Variants in BACE2 observed in about 807,000 individuals in gnomAD.
BACE2 encodes the protein beta-secretase 2.
In BACE2, 17 loss-of-function variants were observed where a neutral mutation model predicts 46.2. That is an observed-to-expected ratio of 0.37 (90% CI 0.25 to 0.55). The LOEUF is 0.55. Among genes scored for constraint, BACE2 ranks in the 20% least tolerant of loss-of-function variants. The pLI is 0.82. For synonymous variants in BACE2, 277 were observed against 295.9 expected, an observed-to-expected ratio of 0.94 and a Z score of 0.66; for missense variants, 595 against 698.1, an observed-to-expected ratio of 0.85 and a Z score of 1.66.
Position 41,189,960 on chromosome 21 carries a change from G to A in BACE2, c.312+21385G>A, listed in dbSNP as rs575096279. Among the ~76,000 whole-genome samples, 8 of 152,254 alleles carry A rather than the reference G, an allele frequency of 5.3e-5. No individual in the cohort carries two copies. In the East Asian group the frequency reaches 7.7e-4, roughly 15 times the overall value. On this transcript the variant is annotated intron_variant, in intron 1 of 8. Coordinates refer to ENST00000330333, the MANE Select transcript of BACE2 (RefSeq NM_012105.5). Reference sequence around the variant, plus strand: ...TTCAAGGGCAGGAAGCGTCCAGTACGGGAGAAAGATGTAGGCTGGGAAGCT... The same window carrying A: ...TTCAAGGGCAGGAAGCGTCCAGTACAGGAGAAAGATGTAGGCTGGGAAGCT...
intron 1 of BACE2, among the ~76,000 whole-genome samples, chr21:41,174,504 T>C (rs1303639654): frequency 6.6e-6 from 1 of 151,946 alleles, no homozygotes; most frequent in Non-Finnish European, 1.5e-5. Context: ...GAGGGAGGAA[T>C]TTAAAGGTGG....
At chr21:41,218,009 A>G (rs1183229097) in intron 1 of BACE2, among the ~76,000 whole-genome samples, 1 of 152,234 alleles carries the variant, frequency 6.6e-6, no homozygotes, top group Admixed American at 6.5e-5. Context: ...CTGCCAGAAA[A>G]TAAATGTATA....
chr21:41,211,926 C>A (rs188097605), intron 1 of BACE2, among the ~76,000 whole-genome samples: 1 of 152,350 alleles, frequency 6.6e-6, no homozygotes, highest in Non-Finnish European at 1.5e-5. Context: ...CAGTGGGAGA[C>A]GTCCACAGTC....
intron 8 of BACE2, among the ~76,000 whole-genome samples, chr21:41,264,259 C>G (rs929367410): frequency 2.0e-5 from 3 of 146,416 alleles, no homozygotes; most frequent in African/African-American, 7.6e-5. Context: ...CTATATTTTT[C>G]ATTTCTAGAA....
chr21:41,224,667 A>T (rs1158277360), intron 1 of BACE2, among the ~76,000 whole-genome samples: 1 of 152,224 alleles, frequency 6.6e-6, no homozygotes, highest in Non-Finnish European at 1.5e-5. Context: ...ACCTGCCCTG[A>T]GACATCGTTC....
At chr21:41,205,820 C>T (rs899453224) in intron 1 of BACE2, among the ~76,000 whole-genome samples, 10 of 152,260 alleles carry the variant, frequency 6.6e-5, no homozygotes, top group African/African-American at 1.9e-4. Context: ...GTCTTAACAT[C>T]GGGTCATGAA....
rs976360252 is a variant in BACE2 at position 41,275,886 on chromosome 21, A to G, written c.*262A>G. The G allele has an allele frequency of 1.6e-5, 8 of 494,172 alleles. No individual in the cohort carries two copies. Among genetic ancestry groups the G allele is most frequent in the African/African-American group, 9.6e-5 (5 of 51,950 alleles). 30.6% of individuals were successfully genotyped at this position (494,172 alleles called of 1,614,324 possible). A position where few individuals can be genotyped will look rare whatever the true frequency, so the allele number is the denominator to read the frequency against. On this transcript the variant is annotated 3_prime_UTR_variant, in exon 9 of 9. Transcript: ENST00000330333. ...CAGAGTGGATTGGGCTGCAGGCTCT[A>G]TGGGGTTCGTTATGCCAAAGTGTCT...
chr21:41,219,848 T>A (rs774175351), intron 1 of BACE2, among the ~76,000 whole-genome samples: 3 of 152,206 alleles, frequency 2.0e-5, no homozygotes, highest in Admixed American at 6.5e-5. Context: ...CGGGGATTTC[T>A]CCTCACCAAC....
chr21:41,249,822 G>A (rs1987588409), intron 6 of BACE2, among the ~76,000 whole-genome samples: 1 of 152,148 alleles, frequency 6.6e-6, no homozygotes, highest in Non-Finnish European at 1.5e-5. Context: ...TGGACTGCTC[G>A]GGGCCTGCCT....
intron 1 of BACE2, among the ~76,000 whole-genome samples, chr21:41,206,482 A>G (rs1212480622): frequency 1.3e-5 from 2 of 152,258 alleles, no homozygotes; most frequent in African/African-American, 2.4e-5. Flanking sequence ...GTTCTGGCAC[A>G]TGCTATAACA....
intron 1 of BACE2, among the ~76,000 whole-genome samples, chr21:41,217,828 G>C (rs1045839036): frequency 6.6e-6 from 1 of 152,236 alleles, no homozygotes; most frequent in South Asian, 2.1e-4. Flanking sequence ...AAGTAAAGGC[G>C]GCGGCCAGCA....
At chr21:41,222,917 G>T (rs181821201) in intron 1 of BACE2, among the ~76,000 whole-genome samples, 2 of 152,190 alleles carry the variant, frequency 1.3e-5, no homozygotes, top group Non-Finnish European at 2.9e-5. Context: ...AGCTGCTGTC[G>T]ACCGAGATGG....
At chr21:41,196,517 T>G (rs770404806) in intron 1 of BACE2, among the ~76,000 whole-genome samples, 42 of 152,186 alleles carry the variant, frequency 2.8e-4, no homozygotes, top group Non-Finnish European at 5.3e-4. Flanking sequence ...TCGAACATGA[T>G]ATAAATGATT....
chr21:41,185,738 C>T (rs1351573578), intron 1 of BACE2, among the ~76,000 whole-genome samples: 1 of 152,190 alleles, frequency 6.6e-6, no homozygotes, highest in Non-Finnish European at 1.5e-5. Flanking sequence ...AGGATGCCCT[C>T]GCCAAAGCAG....
intron 1 of BACE2, chr21:41,179,761 G>T: frequency 2.4e-6 from 2 of 836,098 alleles, no homozygotes; most frequent in Non-Finnish European, 3.5e-6. Context: ...GGTGTGGGGT[G>T]GGGTGGAGAA....
At chr21:41,272,574 C>T (rs969982954) in intron 8 of BACE2, among the ~76,000 whole-genome samples, 1 of 151,702 alleles carries the variant, frequency 6.6e-6, no homozygotes. Flanking sequence ...ATAATCTGCT[C>T]TTACAACCAT....
At chr21:41,260,357 C>T (rs546267847) in intron 8 of BACE2, among the ~76,000 whole-genome samples, 11 of 152,202 alleles carry the variant, frequency 7.2e-5, no homozygotes, top group Non-Finnish European at 1.3e-4. Flanking sequence ...GTTGCCCAGG[C>T]TGGTCTTGAA....
At chr21:41,205,505 G>T (rs550539456) in intron 1 of BACE2, among the ~76,000 whole-genome samples, 2 of 152,150 alleles carry the variant, frequency 1.3e-5, no homozygotes, top group Non-Finnish European at 2.9e-5. Context: ...TTATTATTCC[G>T]TCATCTTTGT....
intron 1 of BACE2, among the ~76,000 whole-genome samples, chr21:41,197,655 T>TAAA (rs371348258): frequency 6.8e-6 from 1 of 146,966 alleles, no homozygotes; most frequent in South Asian, 2.2e-4. Flanking sequence ...TTGCTTGTGT[T>TAAA]AAAAAAAAAA....
Sources: allele counts gnomAD v4.1 joint callset (sites outside exome capture counted in the v4.1 genomes callset), GRCh38; gene constraint gnomAD v4.1.1; transcripts MANE v1.5; gene names NCBI Gene and HGNC (gene_info 2026-07-23, HGNC 2026-07-21).